DNAI2: variants seen among roughly 807,000 people sequenced by gnomAD.
DNAI2 encodes dynein axonemal intermediate chain 2.
In DNAI2, 63 loss-of-function variants were observed where a neutral mutation model predicts 74.7. The ratio of observed to expected loss-of-function variants is 0.84; its 90% CI spans 0.69 to 1.04. The LOEUF is 1.04. Among genes scored for constraint, DNAI2 ranks in the 50% least tolerant of loss-of-function variants. The pLI, the probability that DNAI2 is intolerant of heterozygous loss-of-function variation, is 0.00. For missense variants in DNAI2, 688 were observed against 803.2 expected (o/e 0.86, Z 1.73); for synonymous variants, 289 against 314.9 (o/e 0.92, Z 0.87).
chr17:74,295,233 T>TAAAAAAAAAAAAAAAAAA, intron 6 of DNAI2, among the ~76,000 whole-genome samples: 1 of 112,354 alleles, frequency 8.9e-6, no homozygotes. Flanking sequence ...CATCTCTACT[T>TAAAAAAAAAAAAAAAAAA]AAAAAAAAAA....
intron 9 of DNAI2, among the ~76,000 whole-genome samples, chr17:74,308,907 T>C (rs1396356336): frequency 6.6e-6 from 1 of 151,390 alleles, no homozygotes; most frequent in East Asian, 2.0e-4. Context: ...CTAGCAAAAA[T>C]AAAATATTAG....
In DNAI2 at chr17:74,306,649, A is replaced by G. The variant is rs2053203416; in HGVS notation, c.1211+1207A>G. On this transcript the variant is annotated intron_variant, in intron 9 of 13. Transcript: ENST00000311014. ...TAAAATGCTTTTGAGATGGAGTCTT[A>G]CTCTGTCACCCAGGCTGAAGTGCAA... Among the ~76,000 whole-genome samples the G allele has an allele frequency of 2.0e-5, 3 of 151,910 alleles. No individual in the cohort carries two copies. In the South Asian group the frequency reaches 6.2e-4, roughly 31 times the overall value.
rs926548169 is a variant in DNAI2 at position 74,314,186 on chromosome 17, G to A, written c.1788G>A (p.Gly596=). The change falls in exon 13 of 14, where the codon GGG becomes GGA. Residue 596 remains glycine, a synonymous_variant. Coordinates refer to ENST00000311014, the MANE Select transcript of DNAI2 (RefSeq NM_023036.6). ...EEGEEAAGEE[G]DEEVEEDLA Reference sequence around the variant, plus strand: ...GAGAGGAAGCAGCGGGGGAAGAAGGGGATGAAGAAGTGGAAGAAGACTTAG... The same window carrying A: ...GAGAGGAAGCAGCGGGGGAAGAAGGAGATGAAGAAGTGGAAGAAGACTTAG... 6.2e-7 allele frequency: 1 copy of A among 1,614,190 alleles called. No individual in the cohort carries two copies. The highest frequency in any genetic ancestry group is 2.2e-5 in the East Asian group (1 of 44,884).
rs1007882807 is a variant in DNAI2 at position 74,286,024 on chromosome 17, G to A, written c.345+823G>A. 5.1e-4 allele frequency among the ~76,000 whole-genome samples: 77 copies of A among 151,616 alleles called. 1 individual carries two copies. The highest frequency in any genetic ancestry group is 1.8e-3 in the African/African-American group (74 of 41,254). ...TAATAATTTTATTTGGGCTGGGCTT[G>A]GTGGCTCACACCTGTAATCCCAGCA... On this transcript the variant is annotated intron_variant, in intron 3 of 13. Transcript: ENST00000311014.
intron 8 of DNAI2, 39 bp downstream of exon 8, chr17:74,301,207 A>G (rs769876141): frequency 6.2e-7 from 1 of 1,611,442 alleles, no homozygotes; most frequent in Non-Finnish European, 8.5e-7. Context: ...ACTTGCATTG[A>G]CAGGGCAGCC....
At chr17:74,278,857 C>G (rs1042015075) in intron 1 of DNAI2, among the ~76,000 whole-genome samples, 9 of 152,192 alleles carry the variant, frequency 5.9e-5, no homozygotes, top group African/African-American at 1.9e-4. Flanking sequence ...TCAGCAATAA[C>G]TTAATTGTAC....
chr17:74,314,132 T>C lies in DNAI2; in HGVS notation c.1734T>C (p.Ser578=). 6.2e-7 allele frequency: 1 copy of C among 1,614,026 alleles called. No individual in the cohort carries two copies. The highest frequency in any genetic ancestry group is 2.2e-5 in the East Asian group (1 of 44,860). Reference sequence around the variant, plus strand: ...GTCTTCCCCTGCAGCAGCAACCAAGTCCAGAAGAAGACCAGGTGGTGGAGG... The same window carrying C: ...GTCTTCCCCTGCAGCAGCAACCAAGCCCAGAAGAAGACCAGGTGGTGGAGG... ...IKLTPVPQQP[S]PEEDQVVEEG... Residue 578 remains serine, a synonymous_variant, in exon 13 of 14, where the codon AGT becomes AGC. Coordinates refer to ENST00000311014, the MANE Select transcript of DNAI2 (RefSeq NM_023036.6).
chr17:74,314,396 G>C, intron 13 of DNAI2, 125 bp downstream of exon 13: 1 of 1,278,412 alleles, frequency 7.8e-7, no homozygotes, highest in South Asian at 1.2e-5. Context: ...CTGACTCACT[G>C]GGCACTGAGT....
chr17:74,279,696 T>A (rs993733897), intron 1 of DNAI2, among the ~76,000 whole-genome samples: 2 of 152,116 alleles, frequency 1.3e-5, no homozygotes, highest in African/African-American at 4.8e-5. Flanking sequence ...CCTGGATAAT[T>A]TTTGGTATTT....
intron 1 of DNAI2, among the ~76,000 whole-genome samples, chr17:74,277,981 C>A (rs890234290): frequency 6.6e-6 from 1 of 152,204 alleles, no homozygotes; most frequent in African/African-American, 2.4e-5. Context: ...TTCTGGGGTT[C>A]AAACAGCATT....
chr17:74,297,826 C>A (rs1482006155), intron 6 of DNAI2, among the ~76,000 whole-genome samples: 1 of 152,124 alleles, frequency 6.6e-6, no homozygotes, highest in Non-Finnish European at 1.5e-5. Context: ...CCAGTCTTGA[C>A]CCTGGGCGTA....
At chr17:74,282,435 G>A (rs2051450355) in intron 2 of DNAI2, among the ~76,000 whole-genome samples, 2 of 152,064 alleles carry the variant, frequency 1.3e-5, no homozygotes, top group South Asian at 2.1e-4. Flanking sequence ...CTGGTAGCTG[G>A]GACTACAGGT....
chr17:74,308,652 G>T (rs1008841655), intron 9 of DNAI2, among the ~76,000 whole-genome samples: 1 of 152,156 alleles, frequency 6.6e-6, no homozygotes, highest in East Asian at 1.9e-4. Flanking sequence ...CTCCCGAGGA[G>T]CTGGGACCAC....
At chr17:74,293,229 T>C (rs1345480274) in intron 6 of DNAI2, among the ~76,000 whole-genome samples, 1 of 152,176 alleles carries the variant, frequency 6.6e-6, no homozygotes, top group East Asian at 1.9e-4. Context: ...AGTAATTATG[T>C]CTATTATTGA....
rs1371337904 is a variant in DNAI2 at position 74,300,970 on chromosome 17, G to A, written c.865-76G>A. 7 of 1,597,806 alleles carry A rather than the reference G, an allele frequency of 4.4e-6. No homozygotes were observed. Among genetic ancestry groups the A allele is most frequent in the African/African-American group, 1.3e-5 (1 of 74,576 alleles). On this transcript the variant is annotated intron_variant, in intron 7 of 13. Coordinates refer to ENST00000311014, the MANE Select transcript of DNAI2 (RefSeq NM_023036.6). The surrounding 1 kb of genome is among the most constrained non-coding windows in gnomAD (Gnocchi z 4.5). ...CCCAGTGGCTGACCCCAGGACGGTG[G>A]GGTGAGGGCGGAGAAGGCAAAAGCC...
chr17:74,279,467 T>C (rs1163791019), intron 1 of DNAI2, among the ~76,000 whole-genome samples: 1 of 152,024 alleles, frequency 6.6e-6, no homozygotes. Flanking sequence ...ACACCTACTA[T>C]GTAACCACAA....
intron 6 of DNAI2, among the ~76,000 whole-genome samples, chr17:74,295,289 C>G (rs769707610): frequency 6.7e-6 from 1 of 149,498 alleles, no homozygotes; most frequent in Non-Finnish European, 1.5e-5. Context: ...GCAATCTCAG[C>G]TACTTGGGAG....
intron 9 of DNAI2, 42 bp downstream of exon 9, chr17:74,305,484 G>A (rs1567870771): frequency 1.3e-6 from 2 of 1,581,356 alleles, no homozygotes; most frequent in Admixed American, 1.7e-5. Context: ...GCAGGAGACA[G>A]GAGGGGATGG....
chr17:74,307,270 C>A, intron 9 of DNAI2: 1 of 456,294 alleles, frequency 2.2e-6, no homozygotes, highest in Non-Finnish European at 4.4e-6. Flanking sequence ...ATAGGCCTTT[C>A]GCAGGGCTGG....
Sources: gnomAD v4.1 joint callset for allele counts (sites outside exome capture counted in the v4.1 genomes callset) on GRCh38, gnomAD v4.1.1 for gene constraint, Gnocchi (gnomAD v3.1) non-coding constraint, MANE v1.5 for transcripts, NCBI Gene and HGNC (gene_info 2026-07-23, HGNC 2026-07-21) for gene names.